The following DDX46 variants were observed in gnomAD, a reference collection of about 807,000 sequenced individuals.
The protein encoded by DDX46 is DEAD-box helicase 46.
DDX46 carries 30 observed loss-of-function variants against 134.9 expected under a neutral mutation model. The observed-to-expected ratio is 0.22, with a 90% CI of 0.17 to 0.30. The LOEUF (loss-of-function observed/expected upper bound fraction) is 0.30. DDX46 is among the 10% of genes least tolerant of loss of function. The pLI, the probability that DDX46 is intolerant of heterozygous loss-of-function variation, is 1.00. For missense variants in DDX46, 622 were observed against 1,248.7 expected, an observed-to-expected ratio of 0.50 and a Z score of 7.56; for synonymous variants, 415 against 404.1, an observed-to-expected ratio of 1.03 and a Z score of -0.32.
intron 21 of DDX46, among the ~76,000 whole-genome samples, 199 bp downstream of exon 21, chr5:134,819,203 A>C (rs1224961610): frequency 6.6e-6 from 1 of 152,214 alleles, no homozygotes; most frequent in Non-Finnish European, 1.5e-5. Flanking sequence ...TCTGTTTCCG[A>C]GACTCAGTTT....
At chr5:134,815,705 TCAAAA>T (rs1755269601) in intron 18 of DDX46, among the ~76,000 whole-genome samples, 2 of 20,304 alleles carry the variant, frequency 9.9e-5, no homozygotes, top group Non-Finnish European at 1.4e-4. Flanking sequence ...AGACTCTGTC[TCAAAA>T]AAAAAAAAAA....
intron 5 of DDX46, among the ~76,000 whole-genome samples, chr5:134,774,197 G>C (rs750996052): frequency 2.0e-5 from 3 of 152,100 alleles, no homozygotes; most frequent in Non-Finnish European, 4.4e-5. Context: ...CACATAAGTG[G>C]AATCATAATA....
chr5:134,776,047 A>G (rs547188296), intron 5 of DDX46, among the ~76,000 whole-genome samples: 27 of 152,282 alleles, frequency 1.8e-4, no homozygotes, highest in African/African-American at 5.5e-4. Context: ...TGCTTTATGT[A>G]TTGAATACTG....
intron 8 of DDX46, 152 bp downstream of exon 8, chr5:134,782,238 G>T: frequency 1.2e-6 from 1 of 857,262 alleles, no homozygotes; most frequent in South Asian, 2.0e-5. Flanking sequence ...AGCTGCGGTG[G>T]CTCACGCCTG....
intron 21 of DDX46, among the ~76,000 whole-genome samples, chr5:134,825,445 CTCTT>C (rs759934942): frequency 6.6e-6 from 1 of 152,142 alleles, no homozygotes; most frequent in African/African-American, 2.4e-5. Context: ...GTTTCTGTCT[CTCTT>C]TCTAGCTCCG....
At chr5:134,793,063 A>G (rs1188239696) in intron 13 of DDX46, among the ~76,000 whole-genome samples, 1 of 152,158 alleles carries the variant, frequency 6.6e-6, no homozygotes, top group African/African-American at 2.4e-5. Flanking sequence ...AGGCTGAAGT[A>G]GCAGGATTGC....
At position 134,807,908 on chromosome 5, in the gene DDX46, C is replaced by T. The variant is rs753342420; in HGVS notation, c.2115C>T (p.His705=). 6.2e-7 allele frequency: 1 copy of T among 1,610,960 alleles called. No homozygotes were observed. ...SCPNHYEDYV[H]RAGRTGRAGN... is the part of the protein sequence containing the mutation. ...CCAACCATTATGAGGATTATGTACA[C>T]AGAGCAGGGCGGACTGGAAGAGCAG... Residue 705 remains histidine, a synonymous_variant, in exon 16 of 23, where the codon CAC becomes CAT. Transcript: ENST00000452510.
rs760757494 is a variant in DDX46, at chr5:134,771,048, C to G, written c.447+49C>G. On this transcript the variant is annotated intron_variant, in intron 4 of 22. Transcript: ENST00000452510. ...ATTTTCTTTCTTTCTTTTTGTCTTT[C>G]TTTCTTTCTTTTCTTTCTTTCCCTC... 8 of 776,482 alleles carry G rather than the reference C, an allele frequency of 1.0e-5. No individual in the cohort carries two copies. In the Admixed American group the frequency reaches 1.1e-4, roughly 11 times the overall value. 48.1% of individuals were successfully genotyped at this position (776,482 alleles called of 1,614,324 possible). A position where few individuals can be genotyped will look rare whatever the true frequency, so the allele number is the denominator to read the frequency against.
intron 21 of DDX46, among the ~76,000 whole-genome samples, chr5:134,823,157 C>CTTTTTTTTTT (rs201053941): frequency 1.8e-5 from 2 of 111,218 alleles, no homozygotes; most frequent in Non-Finnish European, 1.8e-5. Flanking sequence ...TTAATTTCAT[C>CTTTTTTTTTT]TTTTTTTTTT....
chr5:134,804,701 A>C (rs1436379777), intron 15 of DDX46: 3 of 211,448 alleles, frequency 1.4e-5, no homozygotes, highest in Non-Finnish European at 2.9e-5. Context: ...TTTTCACAAA[A>C]ATATGCTTTT....
At chr5:134,775,087 T>C (rs1753893712) in intron 5 of DDX46, among the ~76,000 whole-genome samples, 1 of 152,094 alleles carries the variant, frequency 6.6e-6, no homozygotes, top group African/African-American at 2.4e-5. Context: ...CCCATAGTGC[T>C]GGGATTACAG....
rs142488589 is a variant in DDX46, at chr5:134,798,090, G to A, written c.1954+1940G>A. Among the ~76,000 whole-genome samples, 25 of 152,270 alleles carry A rather than the reference G, an allele frequency of 1.6e-4. No homozygotes were observed. The East Asian group carries it at 4.8e-3, about 29-fold the overall frequency. On this transcript the variant is annotated intron_variant, in intron 15 of 22. Transcript: ENST00000452510. ...GCCTCCCAAAGTCCTGGGAATACAG[G>A]CGTGAGCCACCGTGCCCGGCCCGAA...
chr5:134,821,258 G>A (rs1755440309), intron 21 of DDX46, among the ~76,000 whole-genome samples: 1 of 151,750 alleles, frequency 6.6e-6, no homozygotes, highest in African/African-American at 2.4e-5. Flanking sequence ...TAGCCAGGAT[G>A]GTCTCGATCT....
intron 2 of DDX46, among the ~76,000 whole-genome samples, chr5:134,766,468 C>T (rs1040727590): frequency 6.6e-6 from 1 of 151,892 alleles, no homozygotes; most frequent in South Asian, 2.1e-4. Flanking sequence ...GCAAGAGAAT[C>T]GCTTTAACCC....
At chr5:134,759,461 C>T (rs1316546328) in intron 1 of DDX46, among the ~76,000 whole-genome samples, 1 of 152,120 alleles carries the variant, frequency 6.6e-6, no homozygotes, top group Admixed American at 6.6e-5. Flanking sequence ...ATACTTGTTG[C>T]GTGGGCATTT....
At position 134,828,982 on chromosome 5, in the gene DDX46, T is replaced by C. The variant is rs563347354; in HGVS notation, c.*276T>C. On this transcript the variant is annotated 3_prime_UTR_variant, in exon 23 of 23. Transcript: ENST00000452510. ...AAATGTCCGGATAATATTCTAGAGG[T>C]TTAAAAAATGGAAATATTTGAACTT... The C allele has an allele frequency of 2.4e-5, 6 of 251,148 alleles. No individual in the cohort carries two copies. In the East Asian group the frequency reaches 4.2e-4, roughly 17 times the overall value. The allele number at this position is 251,148 out of a possible 1,614,324, so 15.6% of individuals were successfully genotyped here. A position where few individuals can be genotyped will look rare whatever the true frequency, so the allele number is the denominator to read the frequency against.
chr5:134,782,159 A>G (rs1207009124), intron 8 of DDX46, 73 bp downstream of exon 8: 3 of 1,375,102 alleles, frequency 2.2e-6, no homozygotes, highest in African/African-American at 3.0e-5. Flanking sequence ...CTCAAGAGAA[A>G]TGTGGATAGT....
chr5:134,764,872 T>C (rs1226612610), intron 2 of DDX46, among the ~76,000 whole-genome samples: 1 of 149,888 alleles, frequency 6.7e-6, no homozygotes, highest in African/African-American at 2.4e-5. Context: ...TCTCCTTCCC[T>C]TCCACTCTCT....
chr5:134,819,139 G>T, intron 21 of DDX46, 135 bp downstream of exon 21: 1 of 881,994 alleles, frequency 1.1e-6, no homozygotes, highest in Non-Finnish European at 1.6e-6. Context: ...AAAATCTTAT[G>T]ACATTTGAGG....
Sources: gnomAD v4.1 joint callset for allele counts (sites outside exome capture counted in the v4.1 genomes callset) on GRCh38, gnomAD v4.1.1 for gene constraint, MANE v1.5 for transcripts, NCBI Gene and HGNC (gene_info 2026-07-23, HGNC 2026-07-21) for gene names.